The following GPATCH2 variants were observed in gnomAD, a reference collection of about 807,000 sequenced individuals.
The protein encoded by GPATCH2 is G-patch domain containing 2.
In GPATCH2, 51 loss-of-function variants were observed where a neutral mutation model predicts 58.0. That is an observed-to-expected ratio of 0.88 (90% CI 0.70 to 1.11). The LOEUF is 1.11. GPATCH2 is among the 50% of genes most tolerant of loss of function. The pLI, the probability that GPATCH2 is intolerant of heterozygous loss-of-function variation, is 0.00. For synonymous variants in GPATCH2, 222 were observed against 218.5 expected, an observed-to-expected ratio of 1.02 and a Z score of -0.14; for missense variants, 625 against 652.2, an observed-to-expected ratio of 0.96 and a Z score of 0.45.
At chr1:217,494,513 C>T (rs1050793799) in intron 7 of GPATCH2, among the ~76,000 whole-genome samples, 3 of 152,066 alleles carry the variant, frequency 2.0e-5, no homozygotes, top group Admixed American at 1.3e-4. Flanking sequence ...CCATGGCGGG[C>T]GGATCACCTG....
intron 5 of GPATCH2, among the ~76,000 whole-genome samples, chr1:217,605,486 G>C (rs1427180071): frequency 6.6e-6 from 1 of 152,138 alleles, no homozygotes; most frequent in South Asian, 2.1e-4. Context: ...GTACAGAAAA[G>C]TGGACTGAGG....
chr1:217,535,437 C>T (rs907813714), intron 5 of GPATCH2, among the ~76,000 whole-genome samples: 4 of 152,126 alleles, frequency 2.6e-5, no homozygotes, highest in African/African-American at 7.2e-5. Flanking sequence ...GCAAGTTCCG[C>T]TTCTCGGGTT....
chr1:217,612,318 G>T (rs913709607), intron 3 of GPATCH2, among the ~76,000 whole-genome samples: 12 of 152,174 alleles, frequency 7.9e-5, no homozygotes, highest in Admixed American at 5.2e-4. Context: ...GAGGGTCGTT[G>T]TAATTGTCAT....
At chr1:217,571,186 TA>T (rs1301227682) in intron 5 of GPATCH2, among the ~76,000 whole-genome samples, 3 of 152,190 alleles carry the variant, frequency 2.0e-5, no homozygotes, top group Non-Finnish European at 4.4e-5. Context: ...AGCCTTCAAC[TA>T]AAAAGAAGAA....
chr1:217,473,140 T>C (rs1487071071), intron 8 of GPATCH2, among the ~76,000 whole-genome samples: 1 of 152,172 alleles, frequency 6.6e-6, no homozygotes, highest in Non-Finnish European at 1.5e-5. Flanking sequence ...CTGCTTCATA[T>C]AACCTGTGGC....
intron 5 of GPATCH2, among the ~76,000 whole-genome samples, chr1:217,564,674 C>T (rs1437333131): frequency 6.6e-6 from 1 of 152,140 alleles, no homozygotes; most frequent in African/African-American, 2.4e-5. Context: ...GTTGAACAAC[C>T]AAGGACACGA....
intron 8 of GPATCH2, among the ~76,000 whole-genome samples, chr1:217,468,746 AC>A (rs1438272323): frequency 6.6e-6 from 1 of 151,856 alleles, no homozygotes. Context: ...TGATACTGAG[AC>A]TTTTTTTTTT....
intron 1 of GPATCH2, among the ~76,000 whole-genome samples, chr1:217,630,136 CAG>C (rs1039012159): frequency 1.3e-5 from 2 of 152,114 alleles, no homozygotes; most frequent in African/African-American, 2.4e-5. Context: ...ACAGATAATA[CAG>C]AGTGTTCAAC....
intron 6 of GPATCH2, among the ~76,000 whole-genome samples, chr1:217,501,126 T>A (rs930353182): frequency 1.3e-5 from 2 of 152,122 alleles, no homozygotes; most frequent in African/African-American, 4.8e-5. Flanking sequence ...GAATCCCTGT[T>A]AACCCACTAA....
At chr1:217,484,091 C>G (rs1661338666) in intron 8 of GPATCH2, among the ~76,000 whole-genome samples, 1 of 152,092 alleles carries the variant, frequency 6.6e-6, no homozygotes, top group African/African-American at 2.4e-5. Context: ...GTCAATTTGA[C>G]TGGGTCATGA....
chr1:217,624,422 G>T (rs1384041770), intron 1 of GPATCH2, among the ~76,000 whole-genome samples: 1 of 152,228 alleles, frequency 6.6e-6, no homozygotes, highest in Non-Finnish European at 1.5e-5. Context: ...GGAGGCTGAG[G>T]CAGGAGAATC....
Position 217,611,004 on chromosome 1 carries a change from A to G in GPATCH2, c.903T>C (p.Val301=). 1 of 1,613,584 alleles carries G rather than the reference A, an allele frequency of 6.2e-7. No individual in the cohort carries two copies. Among genetic ancestry groups the G allele is most frequent in the African/African-American group, 1.3e-5 (1 of 74,972 alleles). The stretch of plus-strand genomic sequence containing the variant: ...GATCTTCCTTTTCCCACCAGGGCAC[A>G]ACTCCAGTGATACCACATGCTCCAC... The part of the protein sequence containing the change: ...ESGGACGITG[V]VPWWEKEDPT... Residue 301 remains valine, a synonymous_variant, in exon 4 of 10, where the codon GTT becomes GTC. Coordinates refer to ENST00000366935, the MANE Select transcript of GPATCH2 (RefSeq NM_018040.5).
intron 8 of GPATCH2, among the ~76,000 whole-genome samples, chr1:217,458,124 G>C (rs879643595): frequency 4.4e-4 from 67 of 152,292 alleles, no homozygotes; most frequent in Middle Eastern, 3.4e-3. Context: ...CAGCTACTCC[G>C]GAGGCTGAGG....
At chr1:217,449,446 G>A in intron 8 of GPATCH2, 109 bp from the exon 9 acceptor site, 1 of 693,160 alleles carries the variant, frequency 1.4e-6, no homozygotes, top group Admixed American at 2.3e-5. Flanking sequence ...CAAAGATGGA[G>A]CTGCGTAGTA....
intron 5 of GPATCH2, among the ~76,000 whole-genome samples, chr1:217,569,631 G>A (rs1052529637): frequency 4.6e-5 from 7 of 152,188 alleles, no homozygotes; most frequent in African/African-American, 1.4e-4. Flanking sequence ...GGAGATGGAG[G>A]TTGCAGTGAG....
chr1:217,538,256 C>G (rs1664573373), intron 5 of GPATCH2, among the ~76,000 whole-genome samples: 1 of 152,172 alleles, frequency 6.6e-6, no homozygotes, highest in Non-Finnish European at 1.5e-5. Flanking sequence ...GACAAGTTAG[C>G]TGAGCATTCA....
At chr1:217,608,330 G>C (rs568478652) in intron 5 of GPATCH2, 203 of 984,292 alleles carry the variant, frequency 2.1e-4, no homozygotes, top group Non-Finnish European at 2.4e-4. Flanking sequence ...AAAAAACATA[G>C]ACCAGAAAAA....
At chr1:217,451,994 G>A (rs1426954445) in intron 8 of GPATCH2, among the ~76,000 whole-genome samples, 2 of 152,248 alleles carry the variant, frequency 1.3e-5, no homozygotes, top group Admixed American at 1.3e-4. Flanking sequence ...CTGCAGAGCA[G>A]TGTTGGCAGA....
chr1:217,558,329 T>A (rs1263988170), intron 5 of GPATCH2, among the ~76,000 whole-genome samples: 1 of 152,160 alleles, frequency 6.6e-6, no homozygotes, highest in African/African-American at 2.4e-5. Flanking sequence ...AAATAAATAT[T>A]TTGACACTGA....
Sources: gnomAD v4.1 joint callset for allele counts (sites outside exome capture counted in the v4.1 genomes callset) on GRCh38, gnomAD v4.1.1 for gene constraint, MANE v1.5 for transcripts, NCBI Gene and HGNC (gene_info 2026-07-23, HGNC 2026-07-21) for gene names.